EPPIN: variants seen among roughly 807,000 people sequenced by gnomAD.
EPPIN encodes the protein WAP four-disulfide core domain protein 7.
EPPIN carries 14 observed loss-of-function variants against 18.8 expected under a neutral mutation model. That is an observed-to-expected ratio of 0.75 (90% CI 0.49 to 1.17). EPPIN has a LOEUF of 1.17. Ranked by LOEUF, EPPIN falls within the 50% of genes most tolerant of loss-of-function variation. EPPIN has a pLI of 0.00. For synonymous variants in EPPIN, 57 were observed against 54.8 expected (o/e 1.04, Z -0.18); for missense variants, 143 against 154.2 (o/e 0.93, Z 0.39).
At chr20:45,544,796 C>G (rs1217093501) in intron 2 of EPPIN, 1 of 152,226 alleles carries the variant, frequency 6.6e-6, no homozygotes, top group Non-Finnish European at 1.5e-5. Flanking sequence ...CCAGGCAAGA[C>G]TCTTTAATCT....
rs1356377199 is a variant in EPPIN, at chr20:45,542,693, G to C, written c.391+7C>G. 6.2e-7 allele frequency: 1 copy of C among 1,613,078 alleles called. No individual in the cohort carries two copies. The highest frequency in any genetic ancestry group is 1.7e-5 in the Admixed American group (1 of 59,932). ...GAGGATGAAAGACCGGGGCCCCTAG[G>C]ACTTACGTTTATTCTTGCAGGTGTT... is the stretch of plus-strand genomic sequence containing the variant. On this transcript the variant is annotated splice_region_variant and intron_variant, in intron 3 of 3. Transcript: ENST00000354280.
intron 2 of EPPIN, chr20:45,543,439 CA>C (rs1447352806): frequency 6.6e-6 from 1 of 152,288 alleles, no homozygotes; most frequent in Non-Finnish European, 1.5e-5. Context: ...GCAACTCTAC[CA>C]AACAAATGCA....
In EPPIN at chr20:45,542,858, T is replaced by G. The variant is rs760373674; in HGVS notation, c.233A>C (p.Glu78Ala). 5 of 1,613,054 alleles carry G rather than the reference T, an allele frequency of 3.1e-6. No individual in the cohort carries two copies. The highest frequency in any genetic ancestry group is 4.2e-6 in the Non-Finnish European group (5 of 1,179,482). ...GCAGGGGCCAGTTTCTTTTGGCATT[T>G]CGCATACATCTGCAGAGAGACTCCA... ...KCLDLKQDVC[E>A]MPKETGPCLA... Residue 78 changes from glutamate to alanine, a missense_variant, in exon 3 of 4, where the codon GAA (glutamate) becomes GCA (alanine). Physicochemically the swap from Glu to Ala is moderately radical, Grantham distance 107 (BLOSUM62 -1). Coordinates refer to ENST00000354280, the MANE Select transcript of EPPIN (RefSeq NM_020398.4).
chr20:45,545,943 A>C, intron 1 of EPPIN, 173 bp from the exon 2 acceptor site: 1 of 925,884 alleles, frequency 1.1e-6, no homozygotes, highest in East Asian at 2.7e-5. Context: ...CTACACCCCC[A>C]CCACTCCCCA....
At position 45,540,860 on chromosome 20, in the gene EPPIN, C is replaced by G. The variant is rs745980019; in HGVS notation, c.*1284G>C. 1.2e-4 allele frequency: 19 copies of G among 152,138 alleles called. No individual in the cohort carries two copies. Among genetic ancestry groups the G allele is most frequent in the Non-Finnish European group, 1.0e-4 (7 of 68,026 alleles). The allele number at this position is 152,138 out of a possible 1,614,324, so 9.4% of individuals were successfully genotyped here. On this transcript the variant is annotated 3_prime_UTR_variant, in exon 4 of 4. Coordinates refer to ENST00000354280, the MANE Select transcript of EPPIN (RefSeq NM_020398.4). ...TCAACCATTGTGGAAGAGAGTGTGC[C>G]AATTCCTGAAAGATCTAGAACCAGA...
At chr20:45,543,024 A>G in intron 2 of EPPIN, 157 bp from the exon 3 acceptor site, 1 of 1,161,764 alleles carries the variant, frequency 8.6e-7, no homozygotes, top group Non-Finnish European at 1.2e-6. Flanking sequence ...TATTGCACAC[A>G]TTTGCAAGGA....
At position 45,542,061 on chromosome 20, in the gene EPPIN, G is replaced by T; in HGVS notation, c.*83C>A. The stretch of plus-strand genomic sequence containing the variant: ...ATGCTGAGAGTGAAACTGGAAGCCA[G>T]TCTGGAGCATCCGTCAGGTACAGGA... On this transcript the variant is annotated 3_prime_UTR_variant, in exon 4 of 4. Coordinates refer to ENST00000354280, the MANE Select transcript of EPPIN (RefSeq NM_020398.4). 5 of 1,569,264 alleles carry T rather than the reference G, an allele frequency of 3.2e-6. No homozygotes were observed. In the South Asian group the frequency reaches 5.8e-5, roughly 18 times the overall value.
chr20:45,542,628 T>C (rs1979643927), intron 3 of EPPIN, 72 bp downstream of exon 3: 2 of 1,555,418 alleles, frequency 1.3e-6, no homozygotes, highest in South Asian at 1.3e-5. Flanking sequence ...TGTCCTGGAA[T>C]GGACCAGCCA....
chr20:45,542,704 A>G lies in EPPIN; in HGVS notation c.387T>C (p.Asn129=), dbSNP rs770504649. 1 of 1,613,510 alleles carries G rather than the reference A, an allele frequency of 6.2e-7. No homozygotes were observed. The highest frequency in any genetic ancestry group is 8.5e-7 in the Non-Finnish European group (1 of 1,179,692). Reference sequence around the variant, plus strand: ...ACCGGGGCCCCTAGGACTTACGTTTATTCTTGCAGGTGTTCAGGCAGTTGG... The same window carrying G: ...ACCGGGGCCCCTAGGACTTACGTTTGTTCTTGCAGGTGTTCAGGCAGTTGG... ...SKANCLNTCK[N]KRFP Residue 129 remains asparagine, a synonymous_variant, in exon 3 of 4, where the codon AAT becomes AAC. Coordinates refer to ENST00000354280, the MANE Select transcript of EPPIN (RefSeq NM_020398.4).
At chr20:45,543,920 A>G (rs1979714635) in intron 2 of EPPIN, 1 of 152,414 alleles carries the variant, frequency 6.6e-6, no homozygotes, top group South Asian at 2.1e-4. Context: ...TTCTTACTTC[A>G]AAACCTTTCT....
intron 2 of EPPIN, chr20:45,544,731 T>G (rs1049026357): frequency 3.9e-5 from 6 of 152,166 alleles, no homozygotes; most frequent in African/African-American, 1.4e-4. Flanking sequence ...ATAGATGTAG[T>G]ATGAACCTGG....
chr20:45,545,561 G>A (rs1979788877), intron 2 of EPPIN, 78 bp downstream of exon 2: 2 of 1,604,868 alleles, frequency 1.2e-6, no homozygotes, highest in Non-Finnish European at 1.7e-6. Flanking sequence ...AGCGATCAGG[G>A]CACAAAGCCA....
At chr20:45,547,192 T>C in intron 1 of EPPIN, 75 bp downstream of exon 1, 1 of 1,598,882 alleles carries the variant, frequency 6.3e-7, no homozygotes, top group Non-Finnish European at 8.5e-7. Flanking sequence ...AACCCACATC[T>C]GAAGAGTTCT....
intron 1 of EPPIN, among the ~76,000 whole-genome samples, chr20:45,546,545 T>C (rs2145554550): frequency 6.6e-6 from 1 of 152,350 alleles, no homozygotes; most frequent in Non-Finnish European, 1.5e-5. Context: ...ATTTAATCTT[T>C]ATAATTGCTC....
chr20:45,543,362 G>C (rs1196741957), intron 2 of EPPIN: 1 of 152,824 alleles, frequency 6.5e-6, no homozygotes, highest in Non-Finnish European at 1.5e-5. Context: ...CGGACTTCTA[G>C]CCTGAGGAAC....
intron 2 of EPPIN, chr20:45,543,925 C>T (rs921043261): frequency 6.6e-6 from 1 of 152,466 alleles, no homozygotes; most frequent in African/African-American, 2.4e-5. Context: ...ACTTCAAAAC[C>T]TTTCTCAGAC....
intron 1 of EPPIN, 62 bp from the exon 2 acceptor site, chr20:45,545,832 C>T: frequency 6.3e-7 from 1 of 1,591,410 alleles, no homozygotes; most frequent in East Asian, 2.2e-5. Context: ...CCCACTTTGC[C>T]AGACACAAGG....
chr20:45,547,159 C>T (rs1162287487), intron 1 of EPPIN, 108 bp downstream of exon 1: 10 of 1,489,994 alleles, frequency 6.7e-6, no homozygotes, highest in Non-Finnish European at 8.2e-6. Flanking sequence ...CAACCCGGGA[C>T]CTGGGCTAAG....
intron 3 of EPPIN, 145 bp downstream of exon 3, chr20:45,542,555 G>A: frequency 8.1e-7 from 1 of 1,242,226 alleles, no homozygotes; most frequent in Non-Finnish European, 1.1e-6. Context: ...CCTTTTGCCA[G>A]GTGCATTCTT....
Sources: gnomAD v4.1 joint callset for allele counts (sites outside exome capture counted in the v4.1 genomes callset) on GRCh38, gnomAD v4.1.1 for gene constraint, MANE v1.5 for transcripts, NCBI Gene and HGNC (gene_info 2026-07-23, HGNC 2026-07-21) for gene names.